The following HSD17B3 variants were observed in gnomAD, a reference collection of about 807,000 sequenced individuals.
The protein encoded by HSD17B3 is 17-beta-hydroxysteroid dehydrogenase type 3.
In HSD17B3, 29 loss-of-function variants were observed where a neutral mutation model predicts 41.1. That is an observed-to-expected ratio of 0.71 (90% confidence interval 0.53 to 0.96). The LOEUF (loss-of-function observed/expected upper bound fraction) is 0.96. Ranked by LOEUF, HSD17B3 falls within the 40% of genes least tolerant of loss-of-function variation. The probability of loss-of-function intolerance (pLI) is 0.00; values close to 1 mark genes in which losing one functional copy is unlikely to be tolerated. For missense variants in HSD17B3, 323 were observed against 374.6 expected (o/e 0.86, Z 1.14); for synonymous variants, 126 against 145.6 (o/e 0.87, Z 0.97).
intron 2 of HSD17B3, among the ~76,000 whole-genome samples, chr9:96,279,709 A>C (rs1429814309): frequency 6.6e-6 from 1 of 151,778 alleles, no homozygotes; most frequent in African/African-American, 2.4e-5. Flanking sequence ...AAATACTTTG[A>C]TTTCTTTTAG....
At chr9:96,250,467 ACACAG>A in intron 5 of HSD17B3, 1 of 1,062,066 alleles carries the variant, frequency 9.4e-7, no homozygotes, top group Non-Finnish European at 1.1e-6. Context: ...CTCGGGGCTT[ACACAG>A]GACGATGGGA....
At chr9:96,259,547 C>G (rs9409053) in intron 2 of HSD17B3, among the ~76,000 whole-genome samples, 6,284 of 152,186 alleles carry the variant, frequency 0.041, 161 homozygotes, top group Non-Finnish European at 0.066. Flanking sequence ...ATGGTGAAAG[C>G]CTGTCTCTAC....
chr9:96,242,262 A>G (rs956802274), intron 9 of HSD17B3, among the ~76,000 whole-genome samples: 1 of 152,198 alleles, frequency 6.6e-6, no homozygotes, highest in Non-Finnish European at 1.5e-5. Flanking sequence ...GTTTCCAGAT[A>G]GGGAAGTAAT....
chr9:96,261,336 T>C (rs1276568514), intron 2 of HSD17B3, among the ~76,000 whole-genome samples: 2 of 152,166 alleles, frequency 1.3e-5, no homozygotes, highest in Non-Finnish European at 2.9e-5. Flanking sequence ...GCTGGGACCA[T>C]GGGCATGTGC....
chr9:96,254,969 A>G (rs1390754941), intron 2 of HSD17B3, 26 bp from the exon 3 acceptor site: 1 of 1,602,228 alleles, frequency 6.2e-7, no homozygotes, highest in East Asian at 2.2e-5. Context: ...AAAAACCAAG[A>G]GACAAGGATG....
At chr9:96,300,374 A>G (rs1168885915) in intron 1 of HSD17B3, among the ~76,000 whole-genome samples, 1 of 102,664 alleles carries the variant, frequency 9.7e-6, no homozygotes, top group African/African-American at 3.3e-5. Flanking sequence ...TTTAGCAAAT[A>G]AGGATACAGA....
chr9:96,262,395 C>G lies in HSD17B3; in HGVS notation c.202-7452G>C, dbSNP rs570875964. Among the ~76,000 whole-genome samples the G allele has an allele frequency of 2.6e-5, 4 of 151,858 alleles. No homozygotes were observed. In the East Asian group the frequency reaches 5.8e-4, roughly 22 times the overall value. On this transcript the variant is annotated intron_variant, in intron 2 of 10. Coordinates refer to ENST00000375263, the MANE Select transcript of HSD17B3 (RefSeq NM_000197.2). ...AGTAGCTGGGATTACAGGTGCCCAC[C>G]ACCACGACTGGCTAATTTTTGTATT...
chr9:96,247,542 G>A (rs556467043), intron 6 of HSD17B3, among the ~76,000 whole-genome samples: 1 of 152,366 alleles, frequency 6.6e-6, no homozygotes, highest in East Asian at 1.9e-4. Context: ...GGCCAGGGCA[G>A]TGGAGGGGGT....
intron 5 of HSD17B3, chr9:96,250,451 AGCAGACTCGGG>A: frequency 1.2e-5 from 13 of 1,064,754 alleles, no homozygotes; most frequent in Non-Finnish European, 1.5e-5. Context: ...CACCCGGTGC[AGCAGACTCGGG>A]GCTTACACAG....
At chr9:96,276,320 T>G (rs1048334807) in intron 2 of HSD17B3, among the ~76,000 whole-genome samples, 1 of 152,088 alleles carries the variant, frequency 6.6e-6, no homozygotes, top group Non-Finnish European at 1.5e-5. Context: ...TGTTTAAATG[T>G]GCATACTATT....
At chr9:96,278,563 G>T (rs902573575) in intron 2 of HSD17B3, among the ~76,000 whole-genome samples, 1 of 152,030 alleles carries the variant, frequency 6.6e-6, no homozygotes, top group African/African-American at 2.4e-5. Flanking sequence ...CTTGAGTGGG[G>T]CCACCCTGCT....
At chr9:96,269,909 GAAAAAAAAAAA>G (rs59947729) in intron 2 of HSD17B3, among the ~76,000 whole-genome samples, 1 of 103,880 alleles carries the variant, frequency 9.6e-6, no homozygotes, top group Admixed American at 1.1e-4. Context: ...ATCTTAAAAA[GAAAAAAAAAAA>G]AAAAAAAAAG....
At chr9:96,277,841 AC>A (rs1391468003) in intron 2 of HSD17B3, among the ~76,000 whole-genome samples, 2 of 59,742 alleles carry the variant, frequency 3.3e-5, no homozygotes, top group Admixed American at 3.5e-4. Flanking sequence ...TGTGGCACAC[AC>A]ACACACACAC....
rs868469733 is a variant in HSD17B3, at chr9:96,302,055, C to T, written c.50G>A (p.Cys17Tyr). ...QFFILTGLLV[C>Y]LACLAKCVRF... ...CACGCACTTCGCCAGGCAGGCCAGGCACACCAGCAGCCCTGTGAGGATGAA... is the reference window on the plus strand; with the variant it reads ...CACGCACTTCGCCAGGCAGGCCAGGTACACCAGCAGCCCTGTGAGGATGAA... Residue 17 changes from cysteine (C) to tyrosine (Y), a missense_variant, in exon 1 of 11, where the codon TGC (cysteine) becomes TAC (tyrosine). Transcript: ENST00000375263. 6.2e-7 allele frequency: 1 copy of T among 1,614,136 alleles called. No homozygotes were observed. The highest frequency in any genetic ancestry group is 1.7e-5 in the Admixed American group (1 of 60,006).
intron 2 of HSD17B3, among the ~76,000 whole-genome samples, chr9:96,264,128 A>G (rs1157104762): frequency 6.6e-6 from 1 of 152,206 alleles, no homozygotes; most frequent in African/African-American, 2.4e-5. Context: ...TGCCATTTAA[A>G]AATTAATTAA....
At chr9:96,248,651 T>A (rs1836768880) in intron 6 of HSD17B3, among the ~76,000 whole-genome samples, 1 of 152,154 alleles carries the variant, frequency 6.6e-6, no homozygotes. Flanking sequence ...CAGAGCTCAC[T>A]CACAAGCCAC....
At chr9:96,275,516 G>A (rs1826415437) in intron 2 of HSD17B3, among the ~76,000 whole-genome samples, 1 of 151,954 alleles carries the variant, frequency 6.6e-6, no homozygotes, top group Non-Finnish European at 1.5e-5. Flanking sequence ...GGAAGTGGAG[G>A]TTGCAGTGAG....
At chr9:96,246,666 G>A in intron 6 of HSD17B3, 76 bp from the exon 7 acceptor site, 1 of 1,279,016 alleles carries the variant, frequency 7.8e-7, no homozygotes, top group Non-Finnish European at 1.1e-6. Flanking sequence ...AAACAGGGAA[G>A]GGAGCGCGGG....
chr9:96,255,921 C>T (rs778277784), intron 2 of HSD17B3, among the ~76,000 whole-genome samples: 2 of 152,192 alleles, frequency 1.3e-5, no homozygotes, highest in African/African-American at 2.4e-5. Flanking sequence ...GCGTGCTTCA[C>T]ACAGAGCAGT....
Sources: gnomAD v4.1 joint callset for allele counts (sites outside exome capture counted in the v4.1 genomes callset) on GRCh38, gnomAD v4.1.1 for gene constraint, MANE v1.5 for transcripts, NCBI Gene and HGNC (gene_info 2026-07-23, HGNC 2026-07-21) for gene names.